Variants in CHAT observed in about 807,000 individuals in gnomAD.
The protein encoded by CHAT is choline O-acetyltransferase.
In CHAT, 61 loss-of-function variants were observed where a neutral mutation model predicts 76.9. That is an observed-to-expected ratio of 0.79 (90% confidence interval 0.65 to 0.98). The LOEUF (loss-of-function observed/expected upper bound fraction) is 0.98. Among genes scored for constraint, CHAT ranks in the 50% least tolerant of loss-of-function variants. CHAT has a pLI of 0.00. For synonymous variants in CHAT, 407 were observed against 397.4 expected (o/e 1.02, Z -0.29); for missense variants, 946 against 986.9 (o/e 0.96, Z 0.56).
intron 1 of CHAT, among the ~76,000 whole-genome samples, chr10:49,615,173 C>T (rs1838442788): frequency 1.3e-5 from 2 of 151,594 alleles, no homozygotes. Flanking sequence ...GAGGGGGGGG[C>T]TCTGGGCCAG....
In CHAT at chr10:49,639,548, C is replaced by T. The variant is rs61846645; in HGVS notation, c.1112-6957C>T. ...TATATATAGTATATATATACACACA[C>T]ACACACACACACACACACACATATG... is the stretch of plus-strand genomic sequence containing the variant. On this transcript the variant is annotated intron_variant, in intron 7 of 14. Transcript: ENST00000337653. Among the ~76,000 whole-genome samples the T allele has an allele frequency of 3.2e-3, 242 of 75,396 alleles. 1 individual carries two copies. The highest frequency in any genetic ancestry group is 6.6e-3 in the Admixed American group (43 of 6,540). The allele number at this position is 75,396 out of a possible 152,430, so 49.5% of individuals were successfully genotyped here. A position where few individuals can be genotyped will look rare whatever the true frequency, so the allele number is the denominator to read the frequency against.
In CHAT at chr10:49,614,309, T is replaced by C; in HGVS notation, c.120T>C (p.Gly40=). Residue 40 remains glycine (G), a synonymous_variant, in exon 1 of 15, where the codon GGT becomes GGC. Transcript: ENST00000337653. ...GGCCAGCTTGCTTTCTCCAGTCGGG[T>C]GGCCGCGGGGACCCGGGCGACGTCG... The part of the protein sequence containing the change: ...EVRPACFLQS[G]GRGDPGDVGG... The C allele has an allele frequency of 6.5e-7, 1 of 1,547,662 alleles. No homozygotes were observed. The highest frequency in any genetic ancestry group is 8.7e-7 in the Non-Finnish European group (1 of 1,146,206).
intron 1 of CHAT, chr10:49,616,061 G>T: frequency 6.2e-7 from 1 of 1,613,910 alleles, no homozygotes; most frequent in South Asian, 1.1e-5. Context: ...AGATGTGGCC[G>T]GAATGCAGAG....
intron 13 of CHAT, among the ~76,000 whole-genome samples, chr10:49,659,426 G>A (rs1031404274): frequency 6.6e-6 from 1 of 152,198 alleles, no homozygotes; most frequent in African/African-American, 2.4e-5. Context: ...GAAAAAGATA[G>A]AGGGGTGCCC....
At chr10:49,619,374 T>A (rs999091967) in intron 2 of CHAT, among the ~76,000 whole-genome samples, 1 of 152,294 alleles carries the variant, frequency 6.6e-6, no homozygotes, top group Middle Eastern at 3.4e-3. Flanking sequence ...GGGTTACTAC[T>A]CCCATTCTAC....
chr10:49,627,884 C>T, intron 7 of CHAT, 99 bp downstream of exon 7: 1 of 1,391,510 alleles, frequency 7.2e-7, no homozygotes, highest in East Asian at 2.5e-5. Context: ...TCCCCATCAG[C>T]CATAGTGTGG....
intron 6 of CHAT, 81 bp downstream of exon 6, chr10:49,625,734 G>A: frequency 7.1e-7 from 1 of 1,413,580 alleles, no homozygotes; most frequent in Non-Finnish European, 9.7e-7. Context: ...TTCTCCGAGG[G>A]GGCTCAGCCT....
chr10:49,612,684 C>T, upstream of CHAT: 1 of 291,054 alleles, frequency 3.4e-6, no homozygotes, highest in East Asian at 6.6e-5. Flanking sequence ...CACCGCGGCG[C>T]CTCCGCCCAA....
At chr10:49,638,559 T>C (rs1839370072) in intron 7 of CHAT, among the ~76,000 whole-genome samples, 1 of 152,246 alleles carries the variant, frequency 6.6e-6, no homozygotes, top group Non-Finnish European at 1.5e-5. Context: ...GAATTCAATT[T>C]TGATATACCT....
Position 49,620,559 on chromosome 10 carries a change from G to A in CHAT, c.644G>A (p.Ser215Asn). Residue 215 changes from serine to asparagine, a missense_variant, in exon 4 of 15, where the codon AGC (serine) becomes AAC (asparagine). Coordinates refer to ENST00000337653, the MANE Select transcript of CHAT (RefSeq NM_020549.5). The part of the protein sequence containing the change: ...NNRLALPVNS[S>N]PAVIFARQHF... ...CGCCTGGCCCTGCCTGTCAACTCCA[G>A]CCCTGCCGTGATCTTTGCTCGGCAG... 1 of 1,613,916 alleles carries A rather than the reference G, an allele frequency of 6.2e-7. No homozygotes were observed. Among genetic ancestry groups the A allele is most frequent in the Non-Finnish European group, 8.5e-7 (1 of 1,179,868 alleles).
At chr10:49,622,024 A>G (rs1838740511) in intron 4 of CHAT, 73 bp from the exon 5 acceptor site, 7 of 1,496,542 alleles carry the variant, frequency 4.7e-6, no homozygotes, top group African/African-American at 1.5e-5. Context: ...GAGGGAGGGG[A>G]GGCAGAAGGG....
At position 49,665,117 on chromosome 10, in the gene CHAT, G is replaced by C; in HGVS notation, c.*71G>C. The C allele has an allele frequency of 6.5e-7, 1 of 1,549,294 alleles. No homozygotes were observed. The highest frequency in any genetic ancestry group is 1.4e-5 in the African/African-American group (1 of 73,716). ...CCAGACCCTGCAGATCCCCACTCCC[G>C]TCCCTTACCCCAGCTTTCCACAGCT... On this transcript the variant is annotated 3_prime_UTR_variant, in exon 15 of 15. Coordinates refer to ENST00000337653, the MANE Select transcript of CHAT (RefSeq NM_020549.5).
Position 49,649,418 on chromosome 10 carries a change from A to G in CHAT, c.1383-90A>G, listed in dbSNP as rs965595023. 4 of 1,584,700 alleles carry G rather than the reference A, an allele frequency of 2.5e-6. No individual in the cohort carries two copies. In the Admixed American group the frequency reaches 5.0e-5, roughly 20 times the overall value. On this transcript the variant is annotated intron_variant, in intron 9 of 14. Transcript: ENST00000337653. ...TGAAACTCCATGGCCGCAAACACTG[A>G]CAGCTAAGATGATTGCACAGAGCAA... is the stretch of plus-strand genomic sequence containing the variant.
intron 7 of CHAT, among the ~76,000 whole-genome samples, chr10:49,639,574 G>GGT (rs138303214): frequency 6.8e-6 from 1 of 147,188 alleles, no homozygotes; most frequent in South Asian, 2.1e-4. Context: ...CACACATATG[G>GGT]GTGTGTGTGT....
chr10:49,612,839 C>T (rs1838337491), upstream of CHAT: 1 of 156,982 alleles, frequency 6.4e-6, no homozygotes, highest in African/African-American at 2.4e-5. Context: ...ACGTAGGCAC[C>T]TGTAGCTGTT....
At chr10:49,643,948 G>A (rs1445260470) in intron 7 of CHAT, among the ~76,000 whole-genome samples, 3 of 152,270 alleles carry the variant, frequency 2.0e-5, no homozygotes, top group African/African-American at 7.2e-5. Context: ...CCAAAGCACG[G>A]TGGTCTGGGA....
At chr10:49,616,060 C>G (rs41306415) in intron 1 of CHAT, 2 of 1,613,752 alleles carry the variant, frequency 1.2e-6, no homozygotes, top group Non-Finnish European at 1.7e-6. Flanking sequence ...GAGATGTGGC[C>G]GGAATGCAGA....
At chr10:49,643,297 T>C (rs1839548012) in intron 7 of CHAT, among the ~76,000 whole-genome samples, 1 of 151,916 alleles carries the variant, frequency 6.6e-6, no homozygotes, top group East Asian at 1.9e-4. Flanking sequence ...AAGCTGGAGG[T>C]CAAGCCGATC....
chr10:49,652,481 A>G (rs532395839), intron 11 of CHAT, among the ~76,000 whole-genome samples: 1 of 152,104 alleles, frequency 6.6e-6, no homozygotes, highest in East Asian at 1.9e-4. Flanking sequence ...ATCCCCGCAC[A>G]CTGCCATATC....
Sources: allele counts gnomAD v4.1 joint callset (sites outside exome capture counted in the v4.1 genomes callset), GRCh38; gene constraint gnomAD v4.1.1; transcripts MANE v1.5; gene names NCBI Gene and HGNC (gene_info 2026-07-23, HGNC 2026-07-21).